Variants in NTMT2 observed in about 807,000 individuals in gnomAD.
NTMT2 encodes X-Pro-Lys N-terminal protein methyltransferase 1B.
A neutral mutation model predicts 23.4 loss-of-function variants in NTMT2; 21 were observed. The observed-to-expected ratio is 0.90, with a 90% CI of 0.64 to 1.29. The LOEUF (loss-of-function observed/expected upper bound fraction) is 1.29, where lower values mean the gene tolerates loss of function less well. Among genes scored for constraint, NTMT2 ranks in the 50% most tolerant of loss-of-function variants. The probability of loss-of-function intolerance (pLI) is 0.00; values close to 1 mark genes in which losing one functional copy is unlikely to be tolerated. For synonymous variants in NTMT2, 131 were observed against 127.7 expected, an observed-to-expected ratio of 1.03 and a Z score of -0.17; for missense variants, 336 against 352.0, an observed-to-expected ratio of 0.95 and a Z score of 0.36.
intron 2 of NTMT2, among the ~76,000 whole-genome samples, chr1:170,165,921 T>C (rs1673369420): frequency 6.6e-6 from 1 of 151,970 alleles, no homozygotes; most frequent in South Asian, 2.1e-4. Flanking sequence ...ATTCTTTTTT[T>C]GGATAAATAA....
Position 170,167,914 on chromosome 1 carries a change from A to G in NTMT2, c.*157A>G, listed in dbSNP as rs975190237. 7 of 777,402 alleles carry G rather than the reference A, an allele frequency of 9.0e-6. No homozygotes were observed. The South Asian group carries it at 1.2e-4, about 13-fold the overall frequency. The allele number at this position is 777,402 out of a possible 1,614,324, so 48.2% of individuals were successfully genotyped here. On this transcript the variant is annotated 3_prime_UTR_variant, in exon 4 of 4. Coordinates refer to ENST00000439373, the MANE Select transcript of NTMT2 (RefSeq NM_001136107.2). ...TGTGATATAATATGTACATGTTTTCAGTGATTATATAATGCACACACTCTG... is the reference window on the plus strand; with the variant it reads ...TGTGATATAATATGTACATGTTTTCGGTGATTATATAATGCACACACTCTG...
At chr1:170,156,185 G>T (rs1341127980) in intron 1 of NTMT2, among the ~76,000 whole-genome samples, 1 of 152,048 alleles carries the variant, frequency 6.6e-6, no homozygotes, top group Non-Finnish European at 1.5e-5. Flanking sequence ...GCTGCTACTT[G>T]CAGGCATCTG....
chr1:170,167,887 T>C lies in NTMT2; in HGVS notation c.*130T>C. On this transcript the variant is annotated 3_prime_UTR_variant, in exon 4 of 4. Coordinates refer to ENST00000439373, the MANE Select transcript of NTMT2 (RefSeq NM_001136107.2). ...GGATACAACATATGTCTGCAAATTA[T>C]TTGTGATATAATATGTACATGTTTT... 3.2e-6 allele frequency: 3 copies of C among 944,204 alleles called. No individual in the cohort carries two copies. The highest frequency in any genetic ancestry group is 4.6e-6 in the Non-Finnish European group (3 of 648,700). The allele number at this position is 944,204 out of a possible 1,614,324, so 58.5% of individuals were successfully genotyped here. A position where few individuals can be genotyped will look rare whatever the true frequency, so the allele number is the denominator to read the frequency against.
chr1:170,163,781 G>T (rs1336810474), intron 2 of NTMT2, among the ~76,000 whole-genome samples: 2 of 152,132 alleles, frequency 1.3e-5, no homozygotes, highest in Non-Finnish European at 2.9e-5. Context: ...ATTCCTAATA[G>T]TGTTTTACTA....
At chr1:170,166,140 CTTT>C (rs3040077) in intron 2 of NTMT2, among the ~76,000 whole-genome samples, 1 of 67,792 alleles carries the variant, frequency 1.5e-5, no homozygotes, top group Non-Finnish European at 2.9e-5. Flanking sequence ...TTTTTTTTTT[CTTT>C]TTTTTTTTTT....
In NTMT2 at chr1:170,166,927, C is replaced by T. The variant is rs142844073; in HGVS notation, c.580+176C>T. ...CTGATCCTCCAGATTTCTCCCTTGA[C>T]ATTTTCTGTACAATAAATTTACATT... On this transcript the variant is annotated intron_variant, in intron 3 of 3. Transcript: ENST00000439373. 2.4e-3 allele frequency among the ~76,000 whole-genome samples: 370 copies of T among 152,306 alleles called. 2 individuals are homozygous for T. The Middle Eastern group carries it at 0.031, about 13-fold the overall frequency.
chr1:170,166,929 T>C (rs1045396947), intron 3 of NTMT2, among the ~76,000 whole-genome samples, 178 bp downstream of exon 3: 1 of 152,190 alleles, frequency 6.6e-6, no homozygotes, highest in Non-Finnish European at 1.5e-5. Flanking sequence ...TCCCTTGACA[T>C]TTTCTGTACA....
At position 170,163,622 on chromosome 1, in the gene NTMT2, A is replaced by C. The variant is rs570759358; in HGVS notation, c.331-2880A>C. On this transcript the variant is annotated intron_variant, in intron 2 of 3. Coordinates refer to ENST00000439373, the MANE Select transcript of NTMT2 (RefSeq NM_001136107.2). ...ACATTTCTCAAAGATTGGATAGCTA[A>C]AAAATCTGGGTCTACTAACTTGTTA... Among the ~76,000 whole-genome samples, 3 of 152,332 alleles carry C rather than the reference A, an allele frequency of 2.0e-5. No homozygotes were observed. In the South Asian group the frequency reaches 6.2e-4, roughly 32 times the overall value.
In NTMT2 at chr1:170,146,092, A is replaced by G. The variant is rs1324944169; in HGVS notation, c.-16A>G. The G allele has an allele frequency of 6.5e-7, 1 of 1,547,996 alleles. No homozygotes were observed. The highest frequency in any genetic ancestry group is 8.7e-7 in the Non-Finnish European group (1 of 1,145,516). On this transcript the variant is annotated 5_prime_UTR_variant, in exon 1 of 4. Transcript: ENST00000439373. ...GCTTCCTTTCTCTGTAGGAATCATTATTATCCCCCTTTGTCATGGCCCACC... is the reference window on the plus strand; with the variant it reads ...GCTTCCTTTCTCTGTAGGAATCATTGTTATCCCCCTTTGTCATGGCCCACC...
rs770372543 is a variant in NTMT2, at chr1:170,166,482, A to G, written c.331-20A>G. 31 of 1,551,930 alleles carry G rather than the reference A, an allele frequency of 2.0e-5. No homozygotes were observed. The highest frequency in any genetic ancestry group is 3.5e-6 in the Non-Finnish European group (4 of 1,147,074). The stretch of plus-strand genomic sequence containing the variant: ...AAGGATGGGTCTCTGTACTTGAAAT[A>G]TCAAGGTGCCTTTCTGCAGGGGCCT... On this transcript the variant is annotated intron_variant, in intron 2 of 3. Transcript: ENST00000439373.
intron 1 of NTMT2, 147 bp downstream of exon 1, chr1:170,146,408 T>C: frequency 1.3e-6 from 1 of 754,508 alleles, no homozygotes; most frequent in Non-Finnish European, 2.1e-6. Context: ...CTGAAATGTT[T>C]CAGTGGAATT....
chr1:170,152,160 A>G (rs1673082461), intron 1 of NTMT2, among the ~76,000 whole-genome samples: 1 of 152,252 alleles, frequency 6.6e-6, no homozygotes, highest in African/African-American at 2.4e-5. Context: ...TTACAAAAAA[A>G]TAAAATATAG....
chr1:170,166,115 A>G (rs1386473816), intron 2 of NTMT2, among the ~76,000 whole-genome samples: 6 of 147,020 alleles, frequency 4.1e-5, no homozygotes, highest in African/African-American at 1.5e-4. Flanking sequence ...TAGGGTGTGC[A>G]ATTTTCTTTC....
chr1:170,151,107 A>G (rs765106040), intron 1 of NTMT2, among the ~76,000 whole-genome samples: 1 of 152,168 alleles, frequency 6.6e-6, no homozygotes, highest in Non-Finnish European at 1.5e-5. Flanking sequence ...GGTTTAACAG[A>G]AAGACCAGAA....
In NTMT2 at chr1:170,153,978, G is replaced by C. The variant is rs188355861; in HGVS notation, c.155-6540G>C. Among the ~76,000 whole-genome samples the C allele has an allele frequency of 1.2e-3, 189 of 152,236 alleles. 3 individuals are homozygous for C. The highest frequency in any genetic ancestry group is 0.011 in the Admixed American group (171 of 15,290). ...CAGACCCAGTAGTGTAGGAAAACTG[G>C]TTTCAGGGGACCAGGCCCAGGGCCC... On this transcript the variant is annotated intron_variant, in intron 1 of 3. Coordinates refer to ENST00000439373, the MANE Select transcript of NTMT2 (RefSeq NM_001136107.2).
intron 1 of NTMT2, among the ~76,000 whole-genome samples, chr1:170,159,358 TAGGAGGG>T (rs1673222954): frequency 1.3e-5 from 2 of 152,026 alleles, no homozygotes; most frequent in Non-Finnish European, 2.9e-5. Context: ...CTGCTGCTTT[TAGGAGGG>T]TGCACTTGCC....
In NTMT2 at chr1:170,166,143, T is replaced by TTC. The variant is rs1553216572; in HGVS notation, c.331-358_331-357insCT. Reference sequence around the variant, plus strand: ...TTTCTTTCTTTTTTTTTTTTTTCTTTTTTTTTTTTTTTTTGAGACGGAGTC... The same window carrying TTC: ...TTTCTTTCTTTTTTTTTTTTTTCTTTTCTTTTTTTTTTTTTTGAGACGGAGTC... On this transcript the variant is annotated intron_variant, in intron 2 of 3. Coordinates refer to ENST00000439373, the MANE Select transcript of NTMT2 (RefSeq NM_001136107.2). Among the ~76,000 whole-genome samples the TTC allele has an allele frequency of 3.3e-3, 402 of 122,090 alleles. 3 individuals are homozygous for TTC. Among genetic ancestry groups the TTC allele is most frequent in the African/African-American group, 0.01 (367 of 35,078 alleles). 80.1% of individuals were successfully genotyped at this position (122,090 alleles called of 152,430 possible). A position where few individuals can be genotyped will look rare whatever the true frequency, so the allele number is the denominator to read the frequency against.
intron 1 of NTMT2, 150 bp from the exon 2 acceptor site, chr1:170,160,367 CA>C: frequency 1.5e-6 from 1 of 652,102 alleles, no homozygotes. Flanking sequence ...GTCATGGAGC[CA>C]AAACTCAAAC....
Position 170,146,017 on chromosome 1 carries a change from C to A in NTMT2, c.-91C>A, listed in dbSNP as rs1174197930. ...GAGGGGACTGGTTTAAAATGACAGT[C>A]TCAAGTTCATTTAGAAAGAGAAGGC... On this transcript the variant is annotated 5_prime_UTR_variant, in exon 1 of 4. Transcript: ENST00000439373. 1.2e-5 allele frequency: 15 copies of A among 1,254,772 alleles called. No homozygotes were observed. The highest frequency in any genetic ancestry group is 1.5e-5 in the Non-Finnish European group (14 of 913,444). The allele number at this position is 1,254,772 out of a possible 1,614,324, so 77.7% of individuals were successfully genotyped here. A position where few individuals can be genotyped will look rare whatever the true frequency, so the allele number is the denominator to read the frequency against.
Sources: allele counts gnomAD v4.1 joint callset (sites outside exome capture counted in the v4.1 genomes callset), GRCh38; gene constraint gnomAD v4.1.1; transcripts MANE v1.5; gene names NCBI Gene and HGNC (gene_info 2026-07-23, HGNC 2026-07-21).